ZNF681: variants seen among roughly 807,000 people sequenced by gnomAD.
ZNF681 encodes zinc finger protein 681.
A neutral mutation model predicts 56.0 loss-of-function variants in ZNF681; 37 were observed. The ratio of observed to expected loss-of-function variants is 0.66; its 90% CI spans 0.51 to 0.87. The LOEUF (loss-of-function observed/expected upper bound fraction) is 0.87. ZNF681 is among the 40% of genes least tolerant of loss of function. The pLI is 0.00. For missense variants in ZNF681, 741 were observed against 744.9 expected (o/e 0.99, Z 0.06); for synonymous variants, 225 against 248.6 (o/e 0.91, Z 0.89).
At chr19:23,748,375 T>C (rs1968976478) in intron 3 of ZNF681, among the ~76,000 whole-genome samples, 1 of 152,146 alleles carries the variant, frequency 6.6e-6, no homozygotes, top group Non-Finnish European at 1.5e-5. Flanking sequence ...ACCAGAAGGT[T>C]TGCTGAGGGC....
chr19:23,751,826 C>A (rs1969036416), intron 3 of ZNF681, among the ~76,000 whole-genome samples: 1 of 152,132 alleles, frequency 6.6e-6, no homozygotes, highest in Non-Finnish European at 1.5e-5. Context: ...GCTGGGACTA[C>A]AGGCGCCTGC....
chr19:23,755,807 C>T (rs1035801344), intron 1 of ZNF681, among the ~76,000 whole-genome samples: 16 of 152,054 alleles, frequency 1.1e-4, no homozygotes, highest in African/African-American at 2.7e-4. Flanking sequence ...CTAAATAAAT[C>T]GCCAGTCAGA....
In ZNF681 at chr19:23,744,607, A is replaced by G; in HGVS notation, c.943T>C (p.Cys315Arg). Residue 315 changes from cysteine (C) to arginine (R), a missense_variant, in exon 4 of 4, where the codon TGT becomes CGT. Physicochemically the swap from Cys to Arg is radical, Grantham distance 180. Coordinates refer to ENST00000402377, the MANE Select transcript of ZNF681 (RefSeq NM_138286.3). The part of the protein sequence containing the change: ...TREKLNEYKE[C>R]GKAFNQSSHL... ...GAGGACTGGTTGAAAGCTTTGCCACATTCCTTATATTCATTGAGTTTCTCT... is the reference window on the plus strand; with the variant it reads ...GAGGACTGGTTGAAAGCTTTGCCACGTTCCTTATATTCATTGAGTTTCTCT... 6.2e-7 allele frequency: 1 copy of G among 1,614,060 alleles called. No homozygotes were observed. Among genetic ancestry groups the G allele is most frequent in the Non-Finnish European group, 8.5e-7 (1 of 1,179,966 alleles).
chr19:23,741,116 A>G lies in ZNF681; in HGVS notation c.*2496T>C, dbSNP rs1968869533. On this transcript the variant is annotated 3_prime_UTR_variant, in exon 4 of 4. Coordinates refer to ENST00000402377, the MANE Select transcript of ZNF681 (RefSeq NM_138286.3). Reference sequence around the variant, plus strand: ...AATTAAAATAATTTGATTTGTTTCAATATTGCTCTTCTGAAACTAGGTAGA... The same window carrying G: ...AATTAAAATAATTTGATTTGTTTCAGTATTGCTCTTCTGAAACTAGGTAGA... 1 of 152,120 alleles carries G rather than the reference A, an allele frequency of 6.6e-6. No homozygotes were observed. Among genetic ancestry groups the G allele is most frequent in the Non-Finnish European group, 1.5e-5 (1 of 68,014 alleles). The allele number at this position is 152,120 out of a possible 1,614,324, so 9.4% of individuals were successfully genotyped here. A position where few individuals can be genotyped will look rare whatever the true frequency, so the allele number is the denominator to read the frequency against.
chr19:23,742,260 G>A lies in ZNF681; in HGVS notation c.*1352C>T, dbSNP rs1416336651. 3 of 152,088 alleles carry A rather than the reference G, an allele frequency of 2.0e-5. No homozygotes were observed. The highest frequency in any genetic ancestry group is 7.2e-5 in the African/African-American group (3 of 41,398). 9.4% of individuals were successfully genotyped at this position (152,088 alleles called of 1,614,324 possible). A position where few individuals can be genotyped will look rare whatever the true frequency, so the allele number is the denominator to read the frequency against. On this transcript the variant is annotated 3_prime_UTR_variant, in exon 4 of 4. Coordinates refer to ENST00000402377, the MANE Select transcript of ZNF681 (RefSeq NM_138286.3). ...TAATCCCAGCACTTTGGGAGGCCGA[G>A]GTGGGTGGATCACCCGAGGTCGGGA...
Position 23,755,475 on chromosome 19 carries a change from T to C in ZNF681, c.80A>G (p.Asn27Ser). ...EWQCLDTIQQ[N>S]LYRNVMLENY... ...CTCTAACATCACATTCCTATATAAA[T>C]TCTGCTGTATAGTGTCCAGGCATTG... The change falls in exon 2 of 4, where the codon AAT (asparagine) becomes AGT (serine). Residue 27 changes from asparagine (N) to serine (S), a missense_variant. Transcript: ENST00000402377. 6.2e-7 allele frequency: 1 copy of C among 1,611,834 alleles called. No individual in the cohort carries two copies. Among genetic ancestry groups the C allele is most frequent in the Middle Eastern group, 1.7e-4 (1 of 6,036 alleles).
At position 23,745,011 on chromosome 19, in the gene ZNF681, C is replaced by A. The variant is rs958784107; in HGVS notation, c.539G>T (p.Cys180Phe). The change falls in exon 4 of 4, where the codon TGC becomes TTC. Residue 180 changes from cysteine (C) to phenylalanine (F), a missense_variant. Cys to Phe is a radical substitution (Grantham distance 205, BLOSUM62 -2). Transcript: ENST00000402377. ...ATGTTGAGTTAGGTTTGAAAATATG[C>A]AAAATGATTTGCCAAATTCTTTATA... The part of the protein sequence containing the change: ...FKYKEFGKSF[C>F]IFSNLTQHKI... 42 of 1,597,568 alleles carry A rather than the reference C, an allele frequency of 2.6e-5. No individual in the cohort carries two copies. The highest frequency in any genetic ancestry group is 3.5e-5 in the Non-Finnish European group (41 of 1,170,508).
rs745950070 is a variant in ZNF681 at position 23,754,848 on chromosome 19, T to C, written c.201A>G (p.Arg67=). The C allele has an allele frequency of 5.0e-5, 80 of 1,614,022 alleles. No homozygotes were observed. The highest frequency in any genetic ancestry group is 6.4e-5 in the Non-Finnish European group (76 of 1,180,016). The change falls in exon 3 of 4, where the codon AGA becomes AGG. Residue 67 remains arginine (R), a synonymous_variant. Transcript: ENST00000402377. ...CTGGGGGTTCGGCCACCATCCTATG[T>C]CTCTTTCTAGTCCAAGGCTCTTTTT... is the stretch of plus-strand genomic sequence containing the variant. ...EQEKEPWTRK[R]HRMVAEPPVI...
rs1968865288 is a variant in ZNF681, at chr19:23,740,723, T to C, written c.*2889A>G. 1 of 151,700 alleles carries C rather than the reference T, an allele frequency of 6.6e-6. No homozygotes were observed. The highest frequency in any genetic ancestry group is 2.4e-5 in the African/African-American group (1 of 41,298). The allele number at this position is 151,700 out of a possible 1,614,324, so 9.4% of individuals were successfully genotyped here. Reference sequence around the variant, plus strand: ...TATAAAAACTGAAAGGAACAAAAACTAAAAAAAGTAGGCTTATACAGCGTT... The same window carrying C: ...TATAAAAACTGAAAGGAACAAAAACCAAAAAAAGTAGGCTTATACAGCGTT... On this transcript the variant is annotated 3_prime_UTR_variant, in exon 4 of 4. Coordinates refer to ENST00000402377, the MANE Select transcript of ZNF681 (RefSeq NM_138286.3).
Position 23,744,630 on chromosome 19 carries a change from TC to T in ZNF681, c.919del (p.Glu307ArgfsTer24), listed in dbSNP as rs1408730186. The T allele has an allele frequency of 6.3e-7, 1 of 1,595,886 alleles. No homozygotes were observed. The highest frequency in any genetic ancestry group is 1.7e-5 in the Admixed American group (1 of 59,236). ...ACATTCCTTATATTCATTGAGTTTC[TC>T]TCTGGTATGAATTATCTTATGTGTA... The part of the protein sequence containing the change: ...LTTHKIIHTR[E>X]KLNEYKECGK... On this transcript the variant is annotated frameshift_variant, in exon 4 of 4. Coordinates refer to ENST00000402377, the MANE Select transcript of ZNF681 (RefSeq NM_138286.3). LOFTEE classifies it high-confidence loss of function.
intron 3 of ZNF681, among the ~76,000 whole-genome samples, chr19:23,748,153 A>C (rs78157298): frequency 0.013 from 2,012 of 152,268 alleles, 42 homozygotes; most frequent in African/African-American, 0.046. Context: ...TACACTACAA[A>C]ATTTCCACAC....
intron 3 of ZNF681, among the ~76,000 whole-genome samples, chr19:23,745,642 G>A (rs1202277144): frequency 2.6e-5 from 4 of 151,568 alleles, no homozygotes; most frequent in Admixed American, 2.0e-4. Flanking sequence ...TAGTAGAAAC[G>A]GGGTTTCACC....
chr19:23,753,054 C>T (rs929384668), intron 3 of ZNF681, among the ~76,000 whole-genome samples: 6 of 151,650 alleles, frequency 4.0e-5, no homozygotes, highest in East Asian at 3.9e-4. Context: ...ATTAAATTAA[C>T]GTACAAGTTA....
rs1352273674 is a variant in ZNF681 at position 23,754,925 on chromosome 19, T to C, written c.131-7A>G. 4 of 1,608,208 alleles carry C rather than the reference T, an allele frequency of 2.5e-6. No individual in the cohort carries two copies. Among genetic ancestry groups the C allele is most frequent in the Non-Finnish European group, 3.4e-6 (4 of 1,176,678 alleles). ...GGCTTAGAGACAACAATACCTGTTTTATTGAAAGTAAATAACATAAATCTT... is the reference window on the plus strand; with the variant it reads ...GGCTTAGAGACAACAATACCTGTTTCATTGAAAGTAAATAACATAAATCTT... On this transcript the variant is annotated splice_polypyrimidine_tract_variant and splice_region_variant and intron_variant, in intron 2 of 3. Coordinates refer to ENST00000402377, the MANE Select transcript of ZNF681 (RefSeq NM_138286.3).
intron 3 of ZNF681, among the ~76,000 whole-genome samples, chr19:23,750,608 G>GAGGT (rs1969013618): frequency 6.6e-6 from 1 of 152,180 alleles, no homozygotes. Flanking sequence ...TAGGGAGACT[G>GAGGT]AGGTGGACAA....
intron 3 of ZNF681, among the ~76,000 whole-genome samples, chr19:23,748,259 C>T (rs548465838): frequency 2.0e-5 from 3 of 152,088 alleles, no homozygotes; most frequent in Non-Finnish European, 4.4e-5. Flanking sequence ...GAGCTAAAGG[C>T]CCGAGGGTCA....
intron 3 of ZNF681, 90 bp from the exon 4 acceptor site, chr19:23,745,413 T>C (rs1454832276): frequency 9.6e-7 from 1 of 1,038,610 alleles, no homozygotes; most frequent in Admixed American, 3.7e-5. Context: ...ACAAATTACA[T>C]AAGCAAGATG....
intron 3 of ZNF681, among the ~76,000 whole-genome samples, chr19:23,750,970 A>G (rs1294000838): frequency 6.6e-6 from 1 of 151,532 alleles, no homozygotes; most frequent in East Asian, 1.9e-4. Context: ...CTAATAAAAG[A>G]AGTACAAAAT....
In ZNF681 at chr19:23,758,751, T is replaced by C; in HGVS notation, c.-2A>G. The C allele has an allele frequency of 6.2e-7, 1 of 1,614,186 alleles. No homozygotes were observed. The highest frequency in any genetic ancestry group is 1.1e-5 in the South Asian group (1 of 91,084). On this transcript the variant is annotated 5_prime_UTR_variant, in exon 1 of 4. Coordinates refer to ENST00000402377, the MANE Select transcript of ZNF681 (RefSeq NM_138286.3). ...TGTCGGACCCGACATTCTCACCATT[T>C]CTAGGTTTCCGGGGGACCTGGCGTC...
Sources: gnomAD v4.1 joint callset for allele counts (sites outside exome capture counted in the v4.1 genomes callset) on GRCh38, gnomAD v4.1.1 for gene constraint, MANE v1.5 for transcripts, NCBI Gene and HGNC (gene_info 2026-07-23, HGNC 2026-07-21) for gene names.